TOP2B: variants seen among roughly 807,000 people sequenced by gnomAD.
The protein encoded by TOP2B is DNA topoisomerase II beta.
TOP2B carries 51 observed loss-of-function variants against 193.5 expected under a neutral mutation model. That is an observed-to-expected ratio of 0.26 (90% CI 0.21 to 0.33). The LOEUF (loss-of-function observed/expected upper bound fraction) is 0.33, where lower values mean the gene tolerates loss of function less well. Among genes scored for constraint, TOP2B ranks in the 10% least tolerant of loss-of-function variants. TOP2B has a pLI of 1.00. For missense variants in TOP2B, 1,378 were observed against 1,909.3 expected (o/e 0.72, Z 5.19); for synonymous variants, 634 against 635.7 (o/e 1.00, Z 0.04).
chr3:25,614,845 G>C (rs1454052661), intron 27 of TOP2B, among the ~76,000 whole-genome samples: 2 of 151,832 alleles, frequency 1.3e-5, no homozygotes, highest in African/African-American at 4.8e-5. Context: ...TAAATGTAGA[G>C]ACTATCATTC....
intron 31 of TOP2B, among the ~76,000 whole-genome samples, chr3:25,606,512 C>A (rs1254666111): frequency 1.3e-5 from 2 of 151,996 alleles, no homozygotes; most frequent in Non-Finnish European, 2.9e-5. Context: ...AAACTATGGA[C>A]AAAAACCCAA....
intron 6 of TOP2B, among the ~76,000 whole-genome samples, chr3:25,636,784 T>A (rs1181370480): frequency 1.3e-5 from 2 of 151,936 alleles, no homozygotes; most frequent in Admixed American, 6.6e-5. Context: ...TGGAGAGCAA[T>A]AAAGAAAATT....
intron 1 of TOP2B, among the ~76,000 whole-genome samples, chr3:25,653,302 A>C (rs1426468455): frequency 1.3e-5 from 2 of 152,186 alleles, no homozygotes; most frequent in African/African-American, 2.4e-5. Context: ...CTGATACAAA[A>C]ACTAGAAGAC....
chr3:25,615,943 T>A (rs1399725988), intron 25 of TOP2B: 2 of 159,456 alleles, frequency 1.3e-5, no homozygotes, highest in African/African-American at 2.4e-5. Flanking sequence ...CTTGTCAGAT[T>A]TTTATACTGG....
chr3:25,664,566 GGCGGCGGCCGA>G lies in TOP2B; in HGVS notation c.-280_-270del, dbSNP rs919071785. On this transcript the variant is annotated 5_prime_UTR_variant, in exon 1 of 36. Coordinates refer to ENST00000264331, the MANE Select transcript of TOP2B (RefSeq NM_001330700.2). ...GCTGAGGAGAAAGCAGGGAGCGACC[GGCGGCGGCCGA>G]GCGGCGGCGTTGCCTTCTCGCCCGC... is the stretch of plus-strand genomic sequence containing the variant. 3.3e-5 allele frequency: 35 copies of G among 1,069,572 alleles called. No individual in the cohort carries two copies. Among genetic ancestry groups the G allele is most frequent in the Middle Eastern group, 4.2e-4 (1 of 2,366 alleles). 66.3% of individuals were successfully genotyped at this position (1,069,572 alleles called of 1,614,324 possible).
intron 1 of TOP2B, among the ~76,000 whole-genome samples, chr3:25,663,961 C>T (rs1309264335): frequency 1.3e-5 from 2 of 152,090 alleles, no homozygotes; most frequent in Non-Finnish European, 2.9e-5. Context: ...GAAGCGGGGG[C>T]TGTATGTTAC....
At position 25,643,798 on chromosome 3, in the gene TOP2B, T is replaced by G. The variant is rs1559506219; in HGVS notation, c.241-14A>C. Reference sequence around the variant, plus strand: ...CACCCACATGAACTGCATTGAAAAATTCAAAAAAAATTTTACTCAATAAAT... The same window carrying G: ...CACCCACATGAACTGCATTGAAAAAGTCAAAAAAAATTTTACTCAATAAAT... On this transcript the variant is annotated splice_polypyrimidine_tract_variant and intron_variant, in intron 2 of 35. Transcript: ENST00000264331. 6.2e-7 allele frequency: 1 copy of G among 1,605,008 alleles called. No homozygotes were observed. Among genetic ancestry groups the G allele is most frequent in the South Asian group, 1.1e-5 (1 of 90,440 alleles).
At chr3:25,653,330 G>C (rs1224163973) in intron 1 of TOP2B, among the ~76,000 whole-genome samples, 1 of 151,668 alleles carries the variant, frequency 6.6e-6, no homozygotes, top group East Asian at 1.9e-4. Context: ...GAGGACTACA[G>C]AACAATACCC....
In TOP2B at chr3:25,664,830, C is replaced by T. The variant is rs1704043058; in HGVS notation, c.-533G>A. 1.0e-6 allele frequency: 1 copy of T among 991,506 alleles called. No individual in the cohort carries two copies. The highest frequency in any genetic ancestry group is 1.2e-6 in the Non-Finnish European group (1 of 832,996). The allele number at this position is 991,506 out of a possible 1,614,324, so 61.4% of individuals were successfully genotyped here. ...CCCCGATTTCCTCACACACACACAC[C>T]GAGAGGGACAATAAACAGAGCCGCC... is the stretch of plus-strand genomic sequence containing the variant. On this transcript the variant is annotated 5_prime_UTR_variant, in exon 1 of 36. Coordinates refer to ENST00000264331, the MANE Select transcript of TOP2B (RefSeq NM_001330700.2).
At position 25,615,654 on chromosome 3, in the gene TOP2B, ATAAT is replaced by A. The variant is rs9331539; in HGVS notation, c.3352-72_3352-69del. On this transcript the variant is annotated intron_variant, in intron 25 of 35. Coordinates refer to ENST00000264331, the MANE Select transcript of TOP2B (RefSeq NM_001330700.2). ...TCAAATTAATGTTGAATTTTATTGA[ATAAT>A]TAGTTTAAAATTCTACAAGTGCTAC... 9,534 of 1,254,544 alleles carry A rather than the reference ATAAT, an allele frequency of 7.6e-3. 504 individuals are homozygous for A. The African/African-American group carries it at 0.12, about 16-fold the overall frequency. The allele number at this position is 1,254,544 out of a possible 1,614,324, so 77.7% of individuals were successfully genotyped here.
At chr3:25,632,291 A>C (rs1575576427) in intron 10 of TOP2B, among the ~76,000 whole-genome samples, 155 bp downstream of exon 10, 1 of 152,090 alleles carries the variant, frequency 6.6e-6, no homozygotes, top group African/African-American at 2.4e-5. Context: ...TCTACCCTTT[A>C]AAGTTATCAA....
chr3:25,641,116 T>C (rs1433502675), intron 4 of TOP2B, among the ~76,000 whole-genome samples: 1 of 152,160 alleles, frequency 6.6e-6, no homozygotes, highest in African/African-American at 2.4e-5. Flanking sequence ...TATGATGGCA[T>C]GCTATACACT....
rs753350012 is a variant in TOP2B at position 25,598,432 on chromosome 3, A to AGAT, written c.4753_4755dup (p.Ile1585dup). The AGAT allele has an allele frequency of 1.9e-6, 3 of 1,613,292 alleles. No homozygotes were observed. The highest frequency in any genetic ancestry group is 2.2e-5 in the East Asian group (1 of 44,860). On this transcript the variant is annotated inframe_insertion, in exon 36 of 36. Coordinates refer to ENST00000264331, the MANE Select transcript of TOP2B (RefSeq NM_001330700.2). ...GGCTCAGTAGGGAAGTCTGAGGGGA[A>AGAT]GATGTCCACATCTGAATCCTGATCA...
chr3:25,653,923 C>G (rs955342334), intron 1 of TOP2B, among the ~76,000 whole-genome samples: 1 of 152,094 alleles, frequency 6.6e-6, no homozygotes, highest in African/African-American at 2.4e-5. Flanking sequence ...CTGATAAAAA[C>G]ACATAACAAA....
chr3:25,613,121 T>C (rs1268590959), intron 27 of TOP2B, among the ~76,000 whole-genome samples: 12 of 151,996 alleles, frequency 7.9e-5, no homozygotes, highest in Admixed American at 4.6e-4. Flanking sequence ...ATAGAAAATA[T>C]GAAAAAAAAC....
chr3:25,620,723 T>C lies in TOP2B; in HGVS notation c.2821A>G (p.Thr941Ala). 1 of 1,613,122 alleles carries C rather than the reference T, an allele frequency of 6.2e-7. No homozygotes were observed. The highest frequency in any genetic ancestry group is 8.5e-7 in the Non-Finnish European group (1 of 1,179,438). Residue 941 changes from threonine to alanine, a missense_variant, in exon 22 of 36, where the codon ACA becomes GCA. Around this residue, in one of 9 missense-constraint regions of TOP2B, gnomAD observed 379 missense variants for 615.1 expected, o/e 0.62. Transcript: ENST00000264331. ...SGEIFVVDRN[T>A]VEITELPVRT... is the part of the protein sequence containing the mutation. ...ACTGGAAGCTCTGTAATTTCTACTGTGTTTCTGTCCACTACAAATATTTCA... is the reference window on the plus strand; with the variant it reads ...ACTGGAAGCTCTGTAATTTCTACTGCGTTTCTGTCCACTACAAATATTTCA...
chr3:25,626,409 A>T (rs1702802742), intron 18 of TOP2B, 151 bp downstream of exon 18: 3 of 417,880 alleles, frequency 7.2e-6, no homozygotes, highest in Non-Finnish European at 8.4e-6. Context: ...CAAAAGCAAA[A>T]TCAAAAAGGC....
intron 31 of TOP2B, 90 bp downstream of exon 31, chr3:25,607,081 A>G: frequency 1.3e-6 from 2 of 1,494,054 alleles, no homozygotes; most frequent in Admixed American, 4.5e-5. Context: ...GCCTAGAATG[A>G]TAACAATTTC....
chr3:25,615,560 G>A lies in TOP2B; in HGVS notation c.3378C>T (p.Asn1126=), dbSNP rs1702482185. The part of the protein sequence containing the change: ...EKAAEEDETQ[N]QHDDSSSDSG... Reference sequence around the variant, plus strand: ...AATCGGAGGAACTATCATCATGCTGGTTTTGTGTTTCATCCTCTTCTGCTG... The same window carrying A: ...AATCGGAGGAACTATCATCATGCTGATTTTGTGTTTCATCCTCTTCTGCTG... Residue 1126 remains asparagine (N), a synonymous_variant, in exon 26 of 36, where the codon AAC becomes AAT. Transcript: ENST00000264331. 4.5e-6 allele frequency: 7 copies of A among 1,565,494 alleles called. No individual in the cohort carries two copies. The South Asian group carries it at 8.4e-5, about 19-fold the overall frequency.
Sources: gnomAD v4.1 joint callset for allele counts (sites outside exome capture counted in the v4.1 genomes callset) on GRCh38, gnomAD v4.1.1 for gene constraint, gnomAD v4.1.1 regional missense constraint, MANE v1.5 for transcripts, NCBI Gene and HGNC (gene_info 2026-07-23, HGNC 2026-07-21) for gene names.